Variants in DCX observed in about 807,000 individuals in gnomAD.
DCX encodes the protein doublecortin.
DCX carries 4 observed loss-of-function variants against 20.9 expected under a neutral mutation model. The ratio of observed to expected loss-of-function variants is 0.19; its 90% CI spans 0.09 to 0.44. The LOEUF (loss-of-function observed/expected upper bound fraction) is 0.44. DCX is among the 20% of genes least tolerant of loss of function. The pLI is 0.99. For synonymous variants in DCX, 103 were observed against 111.4 expected (o/e 0.92, Z 0.47); for missense variants, 133 against 296.9 (o/e 0.45, Z 4.06).
chrX:111,358,853 G>A (rs2147687341), intron 3 of DCX, among the ~76,000 whole-genome samples: 1 of 111,624 alleles, frequency 9.0e-6, no homozygotes, highest in African/African-American at 3.2e-5. Flanking sequence ...GTCACAACAG[G>A]AAGCAAAATT....
At chrX:111,406,880 C>T (rs921094376) in intron 2 of DCX, among the ~76,000 whole-genome samples, 1 of 111,873 alleles carries the variant, frequency 8.9e-6, no homozygotes, top group African/African-American at 3.2e-5. Context: ...ATGGTTGCAC[C>T]ACTTGATAAA....
At chrX:111,373,051 CAATGAAATGA>C (rs200014473) in intron 3 of DCX, among the ~76,000 whole-genome samples, 414 of 107,786 alleles carry the variant, frequency 3.8e-3, no homozygotes, top group South Asian at 6.5e-3. Context: ...GCTGATAACA[CAATGAAATGA>C]AATGAAATGA....
intron 5 of DCX, among the ~76,000 whole-genome samples, chrX:111,325,587 A>T (rs1263544536): frequency 8.9e-6 from 1 of 112,577 alleles, no homozygotes; most frequent in Non-Finnish European, 1.9e-5. Flanking sequence ...GATTGTTATC[A>T]TGAATCTCTC....
chrX:111,384,980 T>A (rs1926269986), intron 3 of DCX, among the ~76,000 whole-genome samples: 1 of 112,690 alleles, frequency 8.9e-6, no homozygotes, highest in Non-Finnish European at 1.9e-5. Flanking sequence ...CTCTTTAGTG[T>A]CAAAGCAGGA....
chrX:111,337,406 G>C (rs766258631), intron 3 of DCX, among the ~76,000 whole-genome samples: 1 of 111,458 alleles, frequency 9.0e-6, no homozygotes, highest in African/African-American at 3.3e-5. Flanking sequence ...ACCAGCAGGT[G>C]TTGGGGGAAG....
chrX:111,357,053 TA>T (rs1923789526), intron 3 of DCX, among the ~76,000 whole-genome samples: 1 of 112,444 alleles, frequency 8.9e-6, no homozygotes, highest in Admixed American at 9.4e-5. Flanking sequence ...TTAATAATTG[TA>T]AGTTTTCACA....
chrX:111,390,620 C>A (rs1926857316), intron 3 of DCX, among the ~76,000 whole-genome samples: 1 of 111,644 alleles, frequency 9.0e-6, no homozygotes, highest in Non-Finnish European at 1.9e-5. Flanking sequence ...TATCTGGACT[C>A]TCTACTAGTT....
chrX:111,310,245 T>C (rs2095054490), intron 6 of DCX, among the ~76,000 whole-genome samples: 2 of 111,388 alleles, frequency 1.8e-5, no homozygotes, highest in African/African-American at 6.5e-5. Context: ...GGCAGGAGAA[T>C]GGCTTGAACC....
chrX:111,412,046 CAG>C (rs1231364744), intron 1 of DCX, 90 bp downstream of exon 1: 2 of 112,086 alleles, frequency 1.8e-5, no homozygotes, highest in African/African-American at 3.2e-5. Flanking sequence ...GAAGAGGAGA[CAG>C]AGAGACAGAG....
At chrX:111,354,759 T>A (rs1190500528) in intron 3 of DCX, among the ~76,000 whole-genome samples, 1 of 112,708 alleles carries the variant, frequency 8.9e-6, no homozygotes, top group East Asian at 2.8e-4. Flanking sequence ...AAGCAGCCCC[T>A]TTTTATATTC....
chrX:111,376,984 C>G (rs1215991279), intron 3 of DCX, among the ~76,000 whole-genome samples: 1 of 111,921 alleles, frequency 8.9e-6, no homozygotes, highest in Non-Finnish European at 1.9e-5. Context: ...TCTGACAACG[C>G]TAATCTGAAG....
chrX:111,380,866 G>A (rs191899921), intron 3 of DCX, among the ~76,000 whole-genome samples: 12 of 110,216 alleles, frequency 1.1e-4, no homozygotes, highest in Admixed American at 6.8e-4. Context: ...TTATATTTGC[G>A]TGTTATGATA....
At chrX:111,411,148 TG>T (rs940445571) in intron 1 of DCX, 14 of 447,908 alleles carry the variant, frequency 3.1e-5, no homozygotes, top group Admixed American at 7.9e-5. Flanking sequence ...AGAAATAAGC[TG>T]GGGGGAAAAA....
chrX:111,397,778 CAT>C (rs201711287), intron 3 of DCX, among the ~76,000 whole-genome samples: 6 of 94,992 alleles, frequency 6.3e-5, no homozygotes, highest in Admixed American at 2.5e-4. Flanking sequence ...TGTATATCTA[CAT>C]ATATGTGTGT....
chrX:111,314,883 C>T (rs1043546785), intron 5 of DCX, among the ~76,000 whole-genome samples: 9 of 110,182 alleles, frequency 8.2e-5, no homozygotes, highest in African/African-American at 2.0e-4. Flanking sequence ...TGTTAAGGGT[C>T]GCAAAAATTT....
intron 3 of DCX, among the ~76,000 whole-genome samples, chrX:111,345,621 G>A (rs1318329982): frequency 9.0e-6 from 1 of 111,504 alleles, no homozygotes; most frequent in Non-Finnish European, 1.9e-5. Context: ...ACGTTTACAT[G>A]GCCAACAAAC....
chrX:111,398,677 C>T (rs1028653979), intron 3 of DCX, among the ~76,000 whole-genome samples: 2 of 112,154 alleles, frequency 1.8e-5, no homozygotes, highest in African/African-American at 6.5e-5. Flanking sequence ...AGGACAAAAC[C>T]CTATGCATCA....
chrX:111,379,127 G>A (rs759550497), intron 3 of DCX, among the ~76,000 whole-genome samples: 2 of 112,286 alleles, frequency 1.8e-5, no homozygotes, highest in Non-Finnish European at 3.8e-5. Flanking sequence ...AGTTTTAGTT[G>A]ATAAGCACAC....
At chrX:111,317,549 A>T (rs2095075619) in intron 5 of DCX, among the ~76,000 whole-genome samples, 1 of 111,689 alleles carries the variant, frequency 9.0e-6, no homozygotes, top group African/African-American at 3.3e-5. Context: ...AAAAAAAGCA[A>T]AAATTGACAA....
Sources: gnomAD v4.1 joint callset for allele counts (sites outside exome capture counted in the v4.1 genomes callset) on GRCh38, gnomAD v4.1.1 for gene constraint, MANE v1.5 for transcripts, NCBI Gene and HGNC (gene_info 2026-07-23, HGNC 2026-07-21) for gene names.